C16orf87: variants seen among roughly 807,000 people sequenced by gnomAD.
C16orf87 encodes HDAC and MIER1 interacting protein 1.
Under a neutral mutation model 21.0 loss-of-function variants are expected in C16orf87, and 13 were observed. The ratio of observed to expected loss-of-function variants is 0.62; its 90% confidence interval spans 0.40 to 0.98. C16orf87 has a LOEUF of 0.98. C16orf87 is among the 50% of genes least tolerant of loss of function. C16orf87 has a pLI of 0.00. For synonymous variants in C16orf87, 49 were observed against 60.2 expected, an observed-to-expected ratio of 0.81 and a Z score of 0.86; for missense variants, 113 against 180.4, an observed-to-expected ratio of 0.63 and a Z score of 2.14.
At chr16:46,824,271 C>T (rs1159340751) in intron 2 of C16orf87, 115 bp downstream of exon 2, 3 of 603,418 alleles carry the variant, frequency 5.0e-6, no homozygotes, top group Non-Finnish European at 8.8e-6. Context: ...AAGCCAAAAA[C>T]ACTTGAATAG....
At position 46,824,497 on chromosome 16, in the gene C16orf87, G is replaced by C. The variant is rs776917128; in HGVS notation, c.67-15C>G. On this transcript the variant is annotated splice_polypyrimidine_tract_variant and intron_variant, in intron 1 of 3. Coordinates refer to ENST00000285697, the MANE Select transcript of C16orf87 (RefSeq NM_001001436.4). ...GCAACAGGAACCTGTAGGAAAAAAA[G>C]AAAAATATATATTATTACTATTTTT... is the stretch of plus-strand genomic sequence containing the variant. 3.5e-6 allele frequency: 4 copies of C among 1,149,368 alleles called. No homozygotes were observed. The highest frequency in any genetic ancestry group is 5.0e-6 in the Non-Finnish European group (4 of 792,462). 71.2% of individuals were successfully genotyped at this position (1,149,368 alleles called of 1,614,324 possible).
At chr16:46,825,435 AAATTCTT>A (rs1344942872) in intron 1 of C16orf87, among the ~76,000 whole-genome samples, 2 of 346 alleles carry the variant, frequency 5.8e-3, no homozygotes, top group Non-Finnish European at 7.4e-3. Context: ...GATTTTTCTT[AAATTCTT>A]AAATTGTTGT....
chr16:46,811,586 T>TAA (rs145976417), intron 2 of C16orf87, among the ~76,000 whole-genome samples: 2 of 143,812 alleles, frequency 1.4e-5, no homozygotes, highest in African/African-American at 2.6e-5. Context: ...AGTAGTCTTG[T>TAA]AAAAAAAAAA....
chr16:46,818,245 G>A (rs181606681), intron 2 of C16orf87, among the ~76,000 whole-genome samples: 84 of 152,154 alleles, frequency 5.5e-4, no homozygotes, highest in Admixed American at 2.0e-3. Flanking sequence ...CAGAGTTGAG[G>A]ACCACTTATA....
intron 1 of C16orf87, among the ~76,000 whole-genome samples, chr16:46,827,791 C>T (rs772987210): frequency 1.1e-4 from 16 of 151,840 alleles, no homozygotes; most frequent in Non-Finnish European, 1.9e-4. Context: ...CCATGTTGGC[C>T]AGGCTGGTCT....
chr16:46,828,435 G>A (rs1218533025), intron 1 of C16orf87, among the ~76,000 whole-genome samples: 9 of 151,984 alleles, frequency 5.9e-5, no homozygotes, highest in Non-Finnish European at 7.4e-5. Flanking sequence ...CCAGAAAACT[G>A]ACAAGAATCT....
At chr16:46,820,377 T>C (rs988580491) in intron 2 of C16orf87, among the ~76,000 whole-genome samples, 3 of 152,244 alleles carry the variant, frequency 2.0e-5, no homozygotes, top group Admixed American at 2.0e-4. Context: ...TACCTATCTA[T>C]CCATTTATGT....
chr16:46,804,085 T>G (rs1967852511), intron 3 of C16orf87, among the ~76,000 whole-genome samples: 1 of 152,258 alleles, frequency 6.6e-6, no homozygotes, highest in Admixed American at 6.5e-5. Context: ...GAAGTGATTC[T>G]CTTTTTACTT....
In C16orf87 at chr16:46,823,627, C is replaced by T. The variant is rs184733143; in HGVS notation, c.163+759G>A. Reference sequence around the variant, plus strand: ...ACCAAAACCAAGCTATATTTTTCAACGGTCACTAGTTTAAAAAAAAAACAA... The same window carrying T: ...ACCAAAACCAAGCTATATTTTTCAATGGTCACTAGTTTAAAAAAAAAACAA... On this transcript the variant is annotated intron_variant, in intron 2 of 3. Transcript: ENST00000285697. Among the ~76,000 whole-genome samples the T allele has an allele frequency of 2.8e-3, 427 of 151,820 alleles. 1 individual carries two copies. The highest frequency in any genetic ancestry group is 4.6e-3 in the Admixed American group (70 of 15,258).
chr16:46,805,703 CAT>C (rs1967910861), intron 3 of C16orf87, among the ~76,000 whole-genome samples: 1 of 152,200 alleles, frequency 6.6e-6, no homozygotes, highest in Non-Finnish European at 1.5e-5. Flanking sequence ...TGATTAGAAA[CAT>C]ACACATACGT....
chr16:46,818,246 A>T (rs1959274910), intron 2 of C16orf87, among the ~76,000 whole-genome samples: 1 of 152,212 alleles, frequency 6.6e-6, no homozygotes, highest in African/African-American at 2.4e-5. Context: ...AGAGTTGAGG[A>T]CCACTTATAC....
At chr16:46,813,502 A>T (rs949810815) in intron 2 of C16orf87, among the ~76,000 whole-genome samples, 1 of 151,776 alleles carries the variant, frequency 6.6e-6, no homozygotes, top group African/African-American at 2.4e-5. Flanking sequence ...AAAAAATCAA[A>T]CTGCATAGCT....
intron 2 of C16orf87, among the ~76,000 whole-genome samples, chr16:46,821,502 C>T (rs908092602): frequency 6.6e-6 from 1 of 152,138 alleles, no homozygotes; most frequent in African/African-American, 2.4e-5. Flanking sequence ...GATTTCTGGG[C>T]TTCAATGTTT....
intron 3 of C16orf87, among the ~76,000 whole-genome samples, chr16:46,803,337 A>G (rs1183475947): frequency 1.3e-5 from 2 of 152,200 alleles, no homozygotes; most frequent in Non-Finnish European, 2.9e-5. Context: ...ATACATTTCT[A>G]TCTCCTCACT....
At chr16:46,803,884 T>TG (rs1426078835) in intron 3 of C16orf87, among the ~76,000 whole-genome samples, 1 of 152,198 alleles carries the variant, frequency 6.6e-6, no homozygotes, top group Admixed American at 6.5e-5. Context: ...TTTTAGGCAT[T>TG]ACTGATTCAC....
At chr16:46,823,574 A>G (rs2143154393) in intron 2 of C16orf87, among the ~76,000 whole-genome samples, 1 of 152,342 alleles carries the variant, frequency 6.6e-6, no homozygotes, top group African/African-American at 2.4e-5. Context: ...TGTAAAACAT[A>G]GTCAACATGT....
intron 2 of C16orf87, among the ~76,000 whole-genome samples, chr16:46,811,276 G>T (rs415018): frequency 0.78 from 119,036 of 151,920 alleles, 47,777 homozygotes; most frequent in East Asian, 1. Flanking sequence ...AGCCAAGGCG[G>T]GTGGATCACC....
chr16:46,798,978 T>C lies in C16orf87; in HGVS notation c.*3974A>G, dbSNP rs1967699449. On this transcript the variant is annotated 3_prime_UTR_variant, in exon 4 of 4. Coordinates refer to ENST00000285697, the MANE Select transcript of C16orf87 (RefSeq NM_001001436.4). ...ATTTAATGCTTAATGACTGAATGTT[T>C]CCCCCCTACAACTGGATCAAGGCAA... The C allele has an allele frequency of 1.3e-5, 2 of 151,600 alleles. No homozygotes were observed. The highest frequency in any genetic ancestry group is 4.2e-4 in the South Asian group (2 of 4,802). The allele number at this position is 151,600 out of a possible 1,614,324, so 9.4% of individuals were successfully genotyped here. A position where few individuals can be genotyped will look rare whatever the true frequency, so the allele number is the denominator to read the frequency against.
intron 3 of C16orf87, among the ~76,000 whole-genome samples, chr16:46,808,943 C>T (rs1489641227): frequency 1.5e-5 from 2 of 134,768 alleles, no homozygotes; most frequent in Non-Finnish European, 3.1e-5. Context: ...ACAACACTTT[C>T]AATAGTAAAA....
Sources: gnomAD v4.1 joint callset for allele counts (sites outside exome capture counted in the v4.1 genomes callset) on GRCh38, gnomAD v4.1.1 for gene constraint, MANE v1.5 for transcripts, NCBI Gene and HGNC (gene_info 2026-07-23, HGNC 2026-07-21) for gene names.